The following SPATA9 variants were observed in gnomAD, a reference collection of about 807,000 sequenced individuals.
The protein encoded by SPATA9 is spermatogenesis-associated protein 9.
Under a neutral mutation model 25.5 loss-of-function variants are expected in SPATA9, and 27 were observed. The observed-to-expected ratio is 1.06, with a 90% CI of 0.78 to 1.46. The LOEUF is 1.46. SPATA9 is among the 40% of genes most tolerant of loss of function. SPATA9 has a pLI of 0.00. For synonymous variants in SPATA9, 102 were observed against 105.7 expected (o/e 0.97, Z 0.21); for missense variants, 282 against 297.5 (o/e 0.95, Z 0.38).
chr5:95,723,598 G>A, the SPATA9 span, among the ~76,000 whole-genome samples: 6 of 152,102 alleles, frequency 3.9e-5, no homozygotes, highest in South Asian at 2.1e-4. Context: ...TAAATTTTGT[G>A]TAAATTTGCA....
At chr5:95,725,404 T>C in the SPATA9 span, among the ~76,000 whole-genome samples, 2 of 152,210 alleles carry the variant, frequency 1.3e-5, no homozygotes, top group Non-Finnish European at 1.5e-5. Flanking sequence ...GAAAAATGAA[T>C]AATCATTACA....
chr5:95,727,410 C>T, the SPATA9 span, among the ~76,000 whole-genome samples: 1 of 152,198 alleles, frequency 6.6e-6, no homozygotes, highest in Non-Finnish European at 1.5e-5. Flanking sequence ...TGAATATTCA[C>T]AATTTGGGGA....
At chr5:95,732,079 G>A in the SPATA9 span, 1 of 1,613,934 alleles carries the variant, frequency 6.2e-7, no homozygotes, top group South Asian at 1.1e-5. Context: ...CGACTGTCCC[G>A]TCTGGGTAAG....
downstream of SPATA9, chr5:95,657,125 A>C (rs1281312993): frequency 3.3e-5 from 5 of 152,124 alleles, no homozygotes; most frequent in Admixed American, 2.0e-4. Flanking sequence ...TTTTCAAATA[A>C]AGATTTTTAA....
the SPATA9 span, among the ~76,000 whole-genome samples, chr5:95,716,703 C>T: frequency 6.6e-6 from 1 of 152,026 alleles, no homozygotes; most frequent in African/African-American, 2.4e-5. Context: ...TTGGGAGGTG[C>T]CAGGGGTGGA....
At chr5:95,654,994 T>C (rs944136803), downstream of SPATA9, among the ~76,000 whole-genome samples, 1 of 152,180 alleles carries the variant, frequency 6.6e-6, no homozygotes, top group Non-Finnish European at 1.5e-5. Flanking sequence ...AAGTTGTCTT[T>C]GCTTCCTTGG....
chr5:95,653,116 G>A, exon 9 of SPATA9: 1 of 1,551,530 alleles, frequency 6.4e-7, no homozygotes, highest in Non-Finnish European at 8.7e-7. Flanking sequence ...TCTTCTTTCA[G>A]TATGGAATTC....
intron 3 of SPATA9, among the ~76,000 whole-genome samples, chr5:95,668,307 T>C (rs1338724638): frequency 6.6e-6 from 1 of 152,240 alleles, no homozygotes; most frequent in East Asian, 1.9e-4. Context: ...TTAAGGGTCA[T>C]ATTTAAATAT....
intron 2 of SPATA9, among the ~76,000 whole-genome samples, chr5:95,681,688 C>T (rs531415203): frequency 3.3e-5 from 5 of 152,208 alleles, no homozygotes; most frequent in South Asian, 4.1e-4. Flanking sequence ...TGTCTGCAGG[C>T]GTGGTTAAAG....
the SPATA9 span, among the ~76,000 whole-genome samples, chr5:95,721,983 T>C: frequency 6.6e-6 from 1 of 152,206 alleles, no homozygotes; most frequent in African/African-American, 2.4e-5. Flanking sequence ...CATTTTTAAC[T>C]GTAGACAGGA....
intron 3 of SPATA9, among the ~76,000 whole-genome samples, chr5:95,673,573 A>C (rs977229887): frequency 3.3e-5 from 5 of 152,182 alleles, no homozygotes; most frequent in African/African-American, 1.2e-4. Context: ...AGTATTCTTC[A>C]AAAGACATTT....
chr5:95,653,117 T>C, exon 9 of SPATA9: 1 of 1,551,698 alleles, frequency 6.4e-7, no homozygotes, highest in Non-Finnish European at 8.7e-7. Context: ...CTTCTTTCAG[T>C]ATGGAATTCT....
intron 4 of SPATA9, among the ~76,000 whole-genome samples, chr5:95,659,790 C>G (rs1170753690): frequency 1.3e-5 from 2 of 152,118 alleles, no homozygotes; most frequent in African/African-American, 4.8e-5. Flanking sequence ...TTGAGGAACA[C>G]AAGACACTTT....
the SPATA9 span, chr5:95,708,623 C>A: frequency 4.3e-6 from 3 of 696,610 alleles, no homozygotes; most frequent in Admixed American, 2.0e-5. Context: ...TTTTGGAGTT[C>A]TTTTTCTGTA....
At chr5:95,689,395 A>T (rs1369477040) in intron 1 of SPATA9, among the ~76,000 whole-genome samples, 1 of 152,246 alleles carries the variant, frequency 6.6e-6, no homozygotes, top group Non-Finnish European at 1.5e-5. Context: ...AGTAGAGATC[A>T]AAAGAATATA....
downstream of SPATA9, chr5:95,652,815 C>T (rs756466338): frequency 1.7e-5 from 6 of 351,258 alleles, 1 homozygote; most frequent in South Asian, 1.1e-4. Context: ...CAACCCCCTG[C>T]GGCAAGCCAC....
chr5:95,697,402 C>T (rs897484207), intron 1 of SPATA9, among the ~76,000 whole-genome samples: 5 of 152,106 alleles, frequency 3.3e-5, no homozygotes, highest in African/African-American at 7.2e-5. Context: ...CACAACCTGG[C>T]GGATTGTCCC....
At chr5:95,726,680 G>A in the SPATA9 span, among the ~76,000 whole-genome samples, 2 of 152,182 alleles carry the variant, frequency 1.3e-5, no homozygotes, top group African/African-American at 4.8e-5. Context: ...GCTTGGCTGG[G>A]GGTTTTTGCT....
At chr5:95,730,918 C>T in the SPATA9 span, 1 of 458,364 alleles carries the variant, frequency 2.2e-6, no homozygotes, top group East Asian at 7.0e-5. Flanking sequence ...TCGGTCAAGG[C>T]CAAGAGGGGG....
Sources: gnomAD v4.1 joint callset for allele counts (sites outside exome capture counted in the v4.1 genomes callset) on GRCh38, gnomAD v4.1.1 for gene constraint, MANE v1.5 for transcripts, NCBI Gene and HGNC (gene_info 2026-07-23, HGNC 2026-07-21) for gene names.